MATN2: variants seen among roughly 807,000 people sequenced by gnomAD.
MATN2 encodes the protein matrilin-2.
In MATN2, 69 loss-of-function variants were observed where a neutral mutation model predicts 103.2. The observed-to-expected ratio is 0.67, with a 90% CI of 0.55 to 0.82. MATN2 has a LOEUF of 0.82. Ranked by LOEUF, MATN2 falls within the 40% of genes least tolerant of loss-of-function variation. The pLI, the probability that MATN2 is intolerant of heterozygous loss-of-function variation, is 0.00. For synonymous variants in MATN2, 429 were observed against 450.2 expected, an observed-to-expected ratio of 0.95 and a Z score of 0.60; for missense variants, 1,023 against 1,211.5, an observed-to-expected ratio of 0.84 and a Z score of 2.31.
At chr8:98,033,518 C>G in intron 17 of MATN2, 43 bp from the exon 18 acceptor site, 1 of 1,042,764 alleles carries the variant, frequency 9.6e-7, no homozygotes, top group South Asian at 1.6e-5. Flanking sequence ...TCTGGGAAGT[C>G]TGGTGGATTC....
intron 6 of MATN2, among the ~76,000 whole-genome samples, chr8:97,988,779 C>A (rs1227074075): frequency 6.6e-6 from 1 of 152,100 alleles, no homozygotes; most frequent in Non-Finnish European, 1.5e-5. Flanking sequence ...AAAACTCATA[C>A]TAATTCTACA....
chr8:98,026,235 G>A (rs1275539384), intron 13 of MATN2, among the ~76,000 whole-genome samples: 2 of 146,436 alleles, frequency 1.4e-5, no homozygotes, highest in Non-Finnish European at 3.0e-5. Flanking sequence ...AATTTATGGT[G>A]ATAACTTTTT....
intron 6 of MATN2, among the ~76,000 whole-genome samples, chr8:97,984,244 A>G (rs1251988009): frequency 6.6e-6 from 1 of 152,186 alleles, no homozygotes; most frequent in Non-Finnish European, 1.5e-5. Flanking sequence ...AGTTCATTCC[A>G]CTTTGTATAG....
Position 98,036,079 on chromosome 8 carries a change from T to G in MATN2, c.*367T>G. The stretch of plus-strand genomic sequence containing the variant: ...TCTTACTTCTGTAGAACACTGGCCA[T>G]AGGAAATGCTGTTTTTTTGTACTGG... On this transcript the variant is annotated 3_prime_UTR_variant, in exon 19 of 19. Coordinates refer to ENST00000254898, the MANE Select transcript of MATN2 (RefSeq NM_002380.5). 1 of 171,108 alleles carries G rather than the reference T, an allele frequency of 5.8e-6. No individual in the cohort carries two copies. The highest frequency in any genetic ancestry group is 1.2e-5 in the Non-Finnish European group (1 of 80,590). The allele number at this position is 171,108 out of a possible 1,614,324, so 10.6% of individuals were successfully genotyped here. A position where few individuals can be genotyped will look rare whatever the true frequency, so the allele number is the denominator to read the frequency against.
At chr8:97,878,503 A>C (rs1198367875) in intron 1 of MATN2, among the ~76,000 whole-genome samples, 2 of 151,604 alleles carry the variant, frequency 1.3e-5, no homozygotes, top group Non-Finnish European at 2.9e-5. Context: ...ATGAGCCATT[A>C]TTGTGCAACT....
At chr8:97,961,680 A>G in intron 5 of MATN2, 150 bp downstream of exon 5, 1 of 915,824 alleles carries the variant, frequency 1.1e-6, no homozygotes, top group Non-Finnish European at 1.5e-6. Flanking sequence ...TGTTAGGCAG[A>G]ATTTGAACTT....
At chr8:98,016,738 T>C (rs1813376408) in intron 11 of MATN2, 76 bp downstream of exon 11, 3 of 1,533,982 alleles carry the variant, frequency 2.0e-6, no homozygotes, top group Admixed American at 1.9e-5. Flanking sequence ...TCTCTGTATA[T>C]ATCAGTTCCT....
intron 5 of MATN2, among the ~76,000 whole-genome samples, chr8:97,967,394 G>A (rs1811517097): frequency 6.6e-6 from 1 of 151,830 alleles, no homozygotes; most frequent in African/African-American, 2.4e-5. Flanking sequence ...AAAGTCTGAA[G>A]TGTCATCTGG....
chr8:97,952,624 T>A (rs1033078463), intron 4 of MATN2, among the ~76,000 whole-genome samples: 1 of 152,162 alleles, frequency 6.6e-6, no homozygotes, highest in African/African-American at 2.4e-5. Flanking sequence ...AGCACAGCTT[T>A]GGGGCTCTTG....
chr8:97,978,825 C>T, intron 5 of MATN2, 61 bp from the exon 6 acceptor site: 1 of 1,549,630 alleles, frequency 6.5e-7, no homozygotes, highest in East Asian at 2.2e-5. Context: ...TTGCCCTCAT[C>T]CTACCATTCC....
At chr8:97,997,209 G>A (rs1812615041) in intron 7 of MATN2, among the ~76,000 whole-genome samples, 1 of 152,246 alleles carries the variant, frequency 6.6e-6, no homozygotes, top group Non-Finnish European at 1.5e-5. Context: ...CTGGTACCAT[G>A]ATGAGTGCTC....
At chr8:98,024,370 T>C (rs1813710851) in intron 13 of MATN2, among the ~76,000 whole-genome samples, 1 of 151,988 alleles carries the variant, frequency 6.6e-6, no homozygotes, top group African/African-American at 2.4e-5. Context: ...CCAGGTATGG[T>C]AGCGTGTGCC....
chr8:97,983,686 C>T (rs774197807), intron 6 of MATN2, among the ~76,000 whole-genome samples: 1 of 152,196 alleles, frequency 6.6e-6, no homozygotes, highest in African/African-American at 2.4e-5. Flanking sequence ...TCATTATACT[C>T]ATTGTTTTTC....
chr8:98,024,910 C>T (rs906972865), intron 13 of MATN2: 1 of 152,240 alleles, frequency 6.6e-6, no homozygotes. Context: ...GGGCCCTGCT[C>T]TCCCTGATGC....
At chr8:97,938,995 G>T (rs6981217) in intron 3 of MATN2, among the ~76,000 whole-genome samples, 3,710 of 151,856 alleles carry the variant, frequency 0.024, 136 homozygotes, top group African/African-American at 0.085. Flanking sequence ...TCAGCCTCCC[G>T]AGTAGCTGGG....
chr8:98,018,888 G>A (rs1002198435), intron 12 of MATN2, among the ~76,000 whole-genome samples: 1 of 151,616 alleles, frequency 6.6e-6, no homozygotes, highest in Non-Finnish European at 1.5e-5. Flanking sequence ...ATTTCCTGTG[G>A]GTTTTTTCTA....
chr8:97,938,590 G>T (rs1586067687), intron 3 of MATN2, among the ~76,000 whole-genome samples: 1 of 152,174 alleles, frequency 6.6e-6, no homozygotes, highest in East Asian at 1.9e-4. Context: ...CAAATAAAAT[G>T]AGGAAAGTCA....
intron 5 of MATN2, among the ~76,000 whole-genome samples, chr8:97,964,727 G>T (rs558279710): frequency 6.6e-6 from 1 of 151,766 alleles, no homozygotes; most frequent in African/African-American, 2.4e-5. Context: ...GAGCCACCTC[G>T]CCTGATGCCA....
chr8:97,900,671 C>T (rs1038967060), intron 2 of MATN2, among the ~76,000 whole-genome samples: 3 of 152,196 alleles, frequency 2.0e-5, no homozygotes, highest in Non-Finnish European at 1.5e-5. Context: ...CGTGGTGACT[C>T]ACGCCTGTAA....
Sources: allele counts gnomAD v4.1 joint callset (sites outside exome capture counted in the v4.1 genomes callset), GRCh38; gene constraint gnomAD v4.1.1; transcripts MANE v1.5; gene names NCBI Gene and HGNC (gene_info 2026-07-23, HGNC 2026-07-21).